CACNA2D3: variants seen among roughly 807,000 people sequenced by gnomAD.
The protein encoded by CACNA2D3 is calcium voltage-gated channel auxiliary subunit alpha2delta 3, also known as voltage-dependent calcium channel subunit alpha-2/delta-3.
In CACNA2D3, 60 loss-of-function variants were observed where a neutral mutation model predicts 160.6. That is an observed-to-expected ratio of 0.37 (90% CI 0.30 to 0.46). The LOEUF (loss-of-function observed/expected upper bound fraction) is 0.46, where lower values mean the gene tolerates loss of function less well. Among genes scored for constraint, CACNA2D3 ranks in the 20% least tolerant of loss-of-function variants. The pLI is 1.00. For synonymous variants in CACNA2D3, 558 were observed against 492.9 expected (o/e 1.13, Z -1.75); for missense variants, 1,205 against 1,365.0 (o/e 0.88, Z 1.85).
At chr3:54,218,131 G>A (rs1324940860) in intron 2 of CACNA2D3, among the ~76,000 whole-genome samples, 2 of 152,164 alleles carry the variant, frequency 1.3e-5, no homozygotes, top group African/African-American at 4.8e-5. Flanking sequence ...AAGGGTGATG[G>A]AGACCACGCT....
chr3:54,452,399 A>C (rs1575462468), intron 4 of CACNA2D3, among the ~76,000 whole-genome samples: 1 of 152,284 alleles, frequency 6.6e-6, no homozygotes, highest in East Asian at 1.9e-4. Flanking sequence ...AGATTATTAC[A>C]ATTTAAGGTG....
At chr3:54,349,006 G>T (rs1319038374) in intron 3 of CACNA2D3, among the ~76,000 whole-genome samples, 1 of 152,190 alleles carries the variant, frequency 6.6e-6, no homozygotes, top group Non-Finnish European at 1.5e-5. Flanking sequence ...GGGATTACAG[G>T]CATGAGCCAC....
intron 19 of CACNA2D3, 23 bp from the exon 20 acceptor site, chr3:54,879,327 C>A: frequency 7.2e-7 from 1 of 1,387,726 alleles, no homozygotes; most frequent in Non-Finnish European, 9.8e-7. Flanking sequence ...TTCTCTACGA[C>A]TTTTTTTTTT....
chr3:54,787,146 G>A (rs982099376), intron 13 of CACNA2D3, among the ~76,000 whole-genome samples: 4 of 152,090 alleles, frequency 2.6e-5, no homozygotes, highest in African/African-American at 4.8e-5. Context: ...CTCATAACGC[G>A]TTTAAAGACA....
chr3:54,191,962 A>G (rs757172676), intron 2 of CACNA2D3, among the ~76,000 whole-genome samples: 1 of 152,142 alleles, frequency 6.6e-6, no homozygotes, highest in African/African-American at 2.4e-5. Context: ...CTGAGGATGC[A>G]TTGGCATTGA....
chr3:54,879,029 T>G lies in CACNA2D3; in HGVS notation c.1722T>G (p.Ala574=). ...TTTTATCATTTTAGTTGAGAAATGC[T>G]ATGGTGAATCGAAAGACGGGGAAGT... The part of the protein sequence containing the change: ...WEDRDDVLRN[A]MVNRKTGKFS... The change falls in exon 19 of 38, where the codon GCT becomes GCG. Residue 574 remains alanine (A), a synonymous_variant. Transcript: ENST00000474759. 1 of 1,603,128 alleles carries G rather than the reference T, an allele frequency of 6.2e-7. No homozygotes were observed. Among genetic ancestry groups the G allele is most frequent in the Non-Finnish European group, 8.5e-7 (1 of 1,174,706 alleles).
At chr3:54,292,706 A>G (rs1703240628) in intron 2 of CACNA2D3, among the ~76,000 whole-genome samples, 1 of 152,242 alleles carries the variant, frequency 6.6e-6, no homozygotes, top group South Asian at 2.1e-4. Flanking sequence ...GAGGAATCAG[A>G]ACCCTCATAT....
chr3:54,483,145 A>C (rs1700960591), intron 4 of CACNA2D3, among the ~76,000 whole-genome samples: 1 of 152,234 alleles, frequency 6.6e-6, no homozygotes, highest in African/African-American at 2.4e-5. Flanking sequence ...GAAAAAGGAT[A>C]GAAAATTGCT....
chr3:54,454,366 C>G (rs914552948), intron 4 of CACNA2D3, among the ~76,000 whole-genome samples: 20 of 152,226 alleles, frequency 1.3e-4, no homozygotes, highest in Admixed American at 9.8e-4. Flanking sequence ...CTCTTGTACC[C>G]CGGTGTAGTC....
At position 54,343,559 on chromosome 3, in the gene CACNA2D3, C is replaced by T. The variant is rs577399932; in HGVS notation, c.321+23001C>T. Among the ~76,000 whole-genome samples the T allele has an allele frequency of 2.6e-5, 4 of 152,334 alleles. No individual in the cohort carries two copies. The South Asian group carries it at 8.3e-4, about 32-fold the overall frequency. Reference sequence around the variant, plus strand: ...TCAGCCTCCCACAGTGCTGCGACTACAGGCATGCACCACCACACCCAGCTA... The same window carrying T: ...TCAGCCTCCCACAGTGCTGCGACTATAGGCATGCACCACCACACCCAGCTA... On this transcript the variant is annotated intron_variant, in intron 3 of 37. Transcript: ENST00000474759.
intron 2 of CACNA2D3, among the ~76,000 whole-genome samples, chr3:54,130,025 T>C (rs1699677414): frequency 6.6e-6 from 1 of 152,192 alleles, no homozygotes; most frequent in African/African-American, 2.4e-5. Context: ...GTCTGGAATT[T>C]TGTAGGCAGT....
chr3:54,124,608 A>G (rs1337860148), intron 2 of CACNA2D3, among the ~76,000 whole-genome samples: 1 of 152,200 alleles, frequency 6.6e-6, no homozygotes, highest in Non-Finnish European at 1.5e-5. Context: ...CCAAGTACGT[A>G]TTTTATTTAT....
rs374473539 is a variant in CACNA2D3 at position 54,705,100 on chromosome 3, A to T, written c.1168-47499A>T. On this transcript the variant is annotated intron_variant, in intron 11 of 37. Coordinates refer to ENST00000474759, the MANE Select transcript of CACNA2D3 (RefSeq NM_018398.3). Reference sequence around the variant, plus strand: ...TATTTCCAAAAATGGCTCAGTCTCCAAAAGATTAAGTTCATTGTTTTTAAT... The same window carrying T: ...TATTTCCAAAAATGGCTCAGTCTCCTAAAGATTAAGTTCATTGTTTTTAAT... 2.5e-3 allele frequency among the ~76,000 whole-genome samples: 382 copies of T among 152,270 alleles called. 1 individual carries two copies. Among genetic ancestry groups the T allele is most frequent in the African/African-American group, 8.7e-3 (361 of 41,564 alleles).
intron 2 of CACNA2D3, among the ~76,000 whole-genome samples, chr3:54,303,818 G>GTTTTTTTTTTTTTTTTTT (rs71617795): frequency 3.5e-5 from 4 of 115,010 alleles, no homozygotes; most frequent in African/African-American, 1.4e-4. Flanking sequence ...CTTTTTTTCT[G>GTTTTTTTTTTTTTTTTTT]TTTTTTTTTT....
At chr3:54,782,595 A>G (rs528973917) in intron 13 of CACNA2D3, among the ~76,000 whole-genome samples, 8 of 152,246 alleles carry the variant, frequency 5.3e-5, no homozygotes, top group Non-Finnish European at 1.0e-4. Flanking sequence ...CCTTCCCAGC[A>G]GAAGAGCATT....
At chr3:54,677,730 TTGGG>T (rs1700270471) in intron 11 of CACNA2D3, among the ~76,000 whole-genome samples, 1 of 152,144 alleles carries the variant, frequency 6.6e-6, no homozygotes, top group African/African-American at 2.4e-5. Flanking sequence ...GATTCATTAT[TTGGG>T]TGGGAACATA....
chr3:54,687,121 C>CTTTTTCTTTTTCTTTTTCT lies in CACNA2D3; in HGVS notation c.1167+44885_1167+44886insCTTTTTCTTTTTCTTTTTT. On this transcript the variant is annotated intron_variant, in intron 11 of 37. Transcript: ENST00000474759. ...AAATCGGATTTTTCTTTTTCTTTTT[C>CTTTTTCTTTTTCTTTTTCT]TTTTTTTTTTTTTGTTTTTTTTTTT... Among the ~76,000 whole-genome samples, 182 of 94,796 alleles carry CTTTTTCTTTTTCTTTTTCT rather than the reference C, an allele frequency of 1.9e-3. 1 individual carries two copies. Among genetic ancestry groups the CTTTTTCTTTTTCTTTTTCT allele is most frequent in the African/African-American group, 6.9e-3 (171 of 24,870 alleles). 62.2% of individuals were successfully genotyped at this position (94,796 alleles called of 152,430 possible).
intron 4 of CACNA2D3, among the ~76,000 whole-genome samples, chr3:54,463,031 C>A (rs1252373065): frequency 1.3e-4 from 19 of 151,662 alleles, no homozygotes; most frequent in African/African-American, 2.2e-4. Context: ...TCCTTCACTT[C>A]TGAAGCTTAG....
intron 31 of CACNA2D3, among the ~76,000 whole-genome samples, chr3:54,993,840 GTCTC>G (rs1210842654): frequency 6.1e-4 from 89 of 145,656 alleles, no homozygotes; most frequent in East Asian, 2.0e-3. Flanking sequence ...TGTCTTATCT[GTCTC>G]TCTCTCTCTC....
Sources: allele counts gnomAD v4.1 joint callset (sites outside exome capture counted in the v4.1 genomes callset), GRCh38; gene constraint gnomAD v4.1.1; transcripts MANE v1.5; gene names NCBI Gene and HGNC (gene_info 2026-07-23, HGNC 2026-07-21).